SNAPC3: variants seen among roughly 807,000 people sequenced by gnomAD.
SNAPC3 encodes small nuclear RNA activating complex polypeptide 3, also known as snRNA-activating protein complex subunit 3.
Under a neutral mutation model 47.7 loss-of-function variants are expected in SNAPC3, and 56 were observed. That is an observed-to-expected ratio of 1.18 (90% CI 0.95 to 1.47). The LOEUF (loss-of-function observed/expected upper bound fraction) is 1.47, where lower values mean the gene tolerates loss of function less well. Ranked by LOEUF, SNAPC3 falls within the 40% of genes most tolerant of loss-of-function variation. The probability of loss-of-function intolerance (pLI) is 0.00; values close to 1 mark genes in which losing one functional copy is unlikely to be tolerated. For synonymous variants in SNAPC3, 235 were observed against 189.9 expected (o/e 1.24, Z -1.95); for missense variants, 665 against 511.3 (o/e 1.30, Z -2.90).
downstream of SNAPC3, chr9:15,465,378 TA>T (rs1004820813): frequency 1.4e-6 from 1 of 693,976 alleles, no homozygotes; most frequent in Non-Finnish European, 2.4e-6. Flanking sequence ...TACTTTACTT[TA>T]AAACAAAGGG....
intron 3 of SNAPC3, among the ~76,000 whole-genome samples, chr9:15,441,706 T>C (rs1469131711): frequency 6.6e-6 from 1 of 151,954 alleles, no homozygotes; most frequent in African/African-American, 2.4e-5. Flanking sequence ...GAGCAGGGGG[T>C]TGGGGGTAAG....
At chr9:15,452,875 C>T (rs1422978591) in intron 6 of SNAPC3, among the ~76,000 whole-genome samples, 166 bp from the exon 7 acceptor site, 1 of 152,192 alleles carries the variant, frequency 6.6e-6, no homozygotes, top group African/African-American at 2.4e-5. Context: ...ATTCAGCGTT[C>T]CTAATCTCAA....
intron 2 of SNAPC3, among the ~76,000 whole-genome samples, chr9:15,430,586 A>T (rs867599229): frequency 2.0e-5 from 3 of 152,242 alleles, no homozygotes; most frequent in South Asian, 2.1e-4. Context: ...CTAGTAATTT[A>T]TACCAAAGGT....
At chr9:15,431,570 G>A (rs569180770) in intron 2 of SNAPC3, among the ~76,000 whole-genome samples, 2 of 148,954 alleles carry the variant, frequency 1.3e-5, no homozygotes, top group African/African-American at 4.9e-5. Flanking sequence ...AAATGGAAAG[G>A]ACAAACCAAA....
chr9:15,443,440 C>T lies in SNAPC3; in HGVS notation c.478-1162C>T, dbSNP rs570867577. ...CATTCTAGGTATATTTTCTCTTGTG[C>T]ATGGCTGGAGCTGCCTGTGACTTTT... On this transcript the variant is annotated intron_variant, in intron 3 of 8. Coordinates refer to ENST00000380821, the MANE Select transcript of SNAPC3 (RefSeq NM_001039697.2). Among the ~76,000 whole-genome samples, 7 of 152,150 alleles carry T rather than the reference C, an allele frequency of 4.6e-5. No homozygotes were observed. The East Asian group carries it at 5.8e-4, about 13-fold the overall frequency.
chr9:15,448,453 C>T (rs2034112388), intron 5 of SNAPC3, among the ~76,000 whole-genome samples: 1 of 152,306 alleles, frequency 6.6e-6, no homozygotes, highest in South Asian at 2.1e-4. Flanking sequence ...AGTTCATCCT[C>T]AGATTTCCAA....
At chr9:15,441,508 G>A (rs1477104342) in intron 3 of SNAPC3, among the ~76,000 whole-genome samples, 1 of 148,502 alleles carries the variant, frequency 6.7e-6, no homozygotes, top group African/African-American at 2.5e-5. Flanking sequence ...AAGTGAACAA[G>A]GGTCTCTGGT....
intron 2 of SNAPC3, 30 bp from the exon 3 acceptor site, chr9:15,433,522 A>AT (rs561423228): frequency 0.035 from 37,730 of 1,082,546 alleles, 515 homozygotes; most frequent in African/African-American, 0.15. Context: ...TTGAACTTTG[A>AT]TTTTTTTTTT....
chr9:15,463,215 CTTTTTTTTTTTT>C (rs142971475), downstream of SNAPC3: 6 of 52,164 alleles, frequency 1.2e-4, no homozygotes, highest in African/African-American at 4.7e-4. Context: ...TGGTATGACT[CTTTTTTTTTTTT>C]TTTTTTTTTT....
intron 2 of SNAPC3, among the ~76,000 whole-genome samples, chr9:15,432,853 A>G (rs1347611292): frequency 6.6e-6 from 1 of 152,242 alleles, no homozygotes; most frequent in Non-Finnish European, 1.5e-5. Context: ...AGTGAATGCT[A>G]AAATTCATGG....
At chr9:15,465,659 A>T (rs553811144), downstream of SNAPC3, 1 of 1,230,336 alleles carries the variant, frequency 8.1e-7, no homozygotes, top group African/African-American at 1.5e-5. Flanking sequence ...AGTCTGCATT[A>T]TATTTTTAAA....
intron 1 of SNAPC3, 90 bp from the exon 2 acceptor site, chr9:15,423,819 T>G: frequency 4.6e-6 from 3 of 645,908 alleles, no homozygotes; most frequent in Non-Finnish European, 7.8e-6. Context: ...GACTTCGTAA[T>G]TCAGTAATGT....
At chr9:15,442,652 TGGC>T (rs540895341) in intron 3 of SNAPC3, among the ~76,000 whole-genome samples, 292 of 151,126 alleles carry the variant, frequency 1.9e-3, no homozygotes, top group African/African-American at 5.6e-3. Context: ...CTAGACGAGA[TGGC>T]GGCCAGGAAG....
At chr9:15,423,792 C>T (rs1462897897) in intron 1 of SNAPC3, 117 bp from the exon 2 acceptor site, 2 of 520,610 alleles carry the variant, frequency 3.8e-6, no homozygotes, top group Non-Finnish European at 6.8e-6. Flanking sequence ...CTCTGAGCCG[C>T]CTGCTGGATT....
intron 4 of SNAPC3, among the ~76,000 whole-genome samples, chr9:15,445,866 G>T (rs914799117): frequency 1.3e-5 from 2 of 152,096 alleles, no homozygotes; most frequent in African/African-American, 4.8e-5. Context: ...AGCCCGGGAG[G>T]TCAAGGCTGC....
At chr9:15,462,595 T>G (rs939145967), downstream of SNAPC3, 4 of 152,226 alleles carry the variant, frequency 2.6e-5, no homozygotes, top group Non-Finnish European at 5.9e-5. Flanking sequence ...CATGTCAACC[T>G]GCTTGGTAGT....
intron 2 of SNAPC3, among the ~76,000 whole-genome samples, chr9:15,425,214 A>G (rs1341690981): frequency 2.0e-5 from 3 of 152,070 alleles, no homozygotes; most frequent in Non-Finnish European, 4.4e-5. Flanking sequence ...CTTCTATGTT[A>G]TGTTATGTTA....
At chr9:15,433,322 G>A (rs952528054) in intron 2 of SNAPC3, among the ~76,000 whole-genome samples, 16 of 151,658 alleles carry the variant, frequency 1.1e-4, no homozygotes, top group South Asian at 2.1e-4. Context: ...TTAAAAAGGC[G>A]TATAGCTAAT....
chr9:15,453,103 T>C lies in SNAPC3; in HGVS notation c.878T>C (p.Met293Thr). ...TATGGAAAGTTTCAGACTGCTAGAA[T>C]GGAAGATTTCACCTTCAATGACTTG... The part of the protein sequence containing the change: ...RGYGKFQTAR[M>T]EDFTFNDLCI... The change falls in exon 7 of 9, where the codon ATG becomes ACG. Residue 293 changes from methionine to threonine, a missense_variant. Physicochemically the swap from Met to Thr is moderately conservative, Grantham distance 81. Transcript: ENST00000380821. 1 of 1,613,302 alleles carries C rather than the reference T, an allele frequency of 6.2e-7. No individual in the cohort carries two copies. Among genetic ancestry groups the C allele is most frequent in the Non-Finnish European group, 8.5e-7 (1 of 1,179,226 alleles).
Sources: gnomAD v4.1 joint callset for allele counts (sites outside exome capture counted in the v4.1 genomes callset) on GRCh38, gnomAD v4.1.1 for gene constraint, MANE v1.5 for transcripts, NCBI Gene and HGNC (gene_info 2026-07-23, HGNC 2026-07-21) for gene names.